AGMO: variants seen among roughly 807,000 people sequenced by gnomAD.
The protein encoded by AGMO is alkylglycerol monooxygenase.
In AGMO, 75 loss-of-function variants were observed where a neutral mutation model predicts 60.2. That is an observed-to-expected ratio of 1.25 (90% confidence interval 1.03 to 1.51). AGMO has a LOEUF of 1.51. AGMO is among the 40% of genes most tolerant of loss of function. The pLI is 0.00. For synonymous variants in AGMO, 261 were observed against 177.1 expected (o/e 1.47, Z -3.76); for missense variants, 763 against 525.5 (o/e 1.45, Z -4.42).
chr7:15,263,797 G>A (rs1783351268), intron 12 of AGMO, among the ~76,000 whole-genome samples: 1 of 152,160 alleles, frequency 6.6e-6, no homozygotes, highest in Non-Finnish European at 1.5e-5. Context: ...ATTATTCTCA[G>A]TGAAGTAACT....
At chr7:15,125,204 T>TAAA in the AGMO span, among the ~76,000 whole-genome samples, 1 of 152,060 alleles carries the variant, frequency 6.6e-6, no homozygotes, top group Admixed American at 6.6e-5. Context: ...TTTGAGAAGA[T>TAAA]ATTTGATAGC....
chr7:15,248,178 C>T (rs1277145728), intron 12 of AGMO, among the ~76,000 whole-genome samples: 1 of 23,214 alleles, frequency 4.3e-5, no homozygotes, highest in Non-Finnish European at 1.3e-4. Context: ...TGATCCAGCA[C>T]CATATATATA....
chr7:15,181,681 T>A, the AGMO span, among the ~76,000 whole-genome samples: 1 of 152,162 alleles, frequency 6.6e-6, no homozygotes, highest in Non-Finnish European at 1.5e-5. Flanking sequence ...ATATTCACTA[T>A]AACGGAAAAA....
At position 15,435,745 on chromosome 7, in the gene AGMO, T is replaced by C. The variant is rs1312116042; in HGVS notation, c.410-4637A>G. Among the ~76,000 whole-genome samples the C allele has an allele frequency of 5.3e-5, 8 of 152,322 alleles. 1 individual carries two copies. In the South Asian group the frequency reaches 1.7e-3, roughly 32 times the overall value. On this transcript the variant is annotated intron_variant, in intron 3 of 12. Transcript: ENST00000342526. ...TTATATTCTTGATGATTTTATTTAG[T>C]TTTCTGGTGTATATAACAAAAAACA...
intron 12 of AGMO, among the ~76,000 whole-genome samples, chr7:15,331,097 T>C (rs1306721442): frequency 6.6e-6 from 1 of 152,168 alleles, no homozygotes; most frequent in Non-Finnish European, 1.5e-5. Context: ...GAGATCTATA[T>C]AGGAGTAAAG....
chr7:15,315,367 C>A, intron 12 of AGMO, among the ~76,000 whole-genome samples: 1 of 98,808 alleles, frequency 1.0e-5, no homozygotes, highest in East Asian at 3.4e-4. Flanking sequence ...GAGACAGAGT[C>A]TCACCCTGTT....
At chr7:15,523,247 G>C (rs750877238) in intron 3 of AGMO, among the ~76,000 whole-genome samples, 3 of 152,186 alleles carry the variant, frequency 2.0e-5, no homozygotes, top group Non-Finnish European at 2.9e-5. Context: ...GTGTAAATTA[G>C]TTCATCCATT....
chr7:15,412,382 G>A (rs1401637689), intron 5 of AGMO, among the ~76,000 whole-genome samples: 5 of 151,944 alleles, frequency 3.3e-5, no homozygotes, highest in Admixed American at 3.3e-4. Flanking sequence ...GGAGTCGTAG[G>A]CCAAATTTAA....
At chr7:15,531,609 C>CTCTATATATTCTA (rs1784364473) in intron 3 of AGMO, among the ~76,000 whole-genome samples, 1 of 113,952 alleles carries the variant, frequency 8.8e-6, no homozygotes, top group African/African-American at 3.5e-5. Flanking sequence ...TATATATATT[C>CTCTATATATTCTA]TATGTATATT....
At chr7:15,532,352 G>C (rs1288944215) in intron 3 of AGMO, among the ~76,000 whole-genome samples, 2 of 152,164 alleles carry the variant, frequency 1.3e-5, no homozygotes, top group Non-Finnish European at 2.9e-5. Context: ...TAACGGCCTT[G>C]GGCCAATGTA....
chr7:15,547,790 A>C (rs1051787579), intron 2 of AGMO, among the ~76,000 whole-genome samples: 3 of 152,054 alleles, frequency 2.0e-5, no homozygotes, highest in African/African-American at 7.3e-5. Flanking sequence ...GCAGCCGGGA[A>C]GCTCCAACTG....
chr7:15,298,321 T>C (rs916263498), intron 12 of AGMO, among the ~76,000 whole-genome samples: 25 of 152,150 alleles, frequency 1.6e-4, no homozygotes, highest in African/African-American at 5.8e-4. Flanking sequence ...TTCATACCAC[T>C]TCAATCATTC....
At chr7:15,449,199 A>C (rs1011831915) in intron 3 of AGMO, among the ~76,000 whole-genome samples, 2 of 152,144 alleles carry the variant, frequency 1.3e-5, no homozygotes, top group Non-Finnish European at 2.9e-5. Flanking sequence ...AACATTATTT[A>C]TAATGAAGTT....
intron 12 of AGMO, among the ~76,000 whole-genome samples, chr7:15,206,804 C>T (rs1781451098): frequency 6.6e-6 from 1 of 151,958 alleles, no homozygotes; most frequent in Non-Finnish European, 1.5e-5. Context: ...AAGATAAATA[C>T]AAAATACACA....
intron 5 of AGMO, among the ~76,000 whole-genome samples, chr7:15,415,067 T>A (rs549417321): frequency 2.0e-5 from 3 of 152,252 alleles, no homozygotes; most frequent in Non-Finnish European, 4.4e-5. Context: ...CTTTCAGAGT[T>A]TGTGATAGTC....
chr7:15,389,439 A>G (rs1366420612), intron 8 of AGMO, among the ~76,000 whole-genome samples: 1 of 152,206 alleles, frequency 6.6e-6, no homozygotes, highest in Non-Finnish European at 1.5e-5. Context: ...ATTTGCTTAT[A>G]TTCTCCTGAG....
At chr7:15,537,647 C>A (rs1275375893) in intron 3 of AGMO, among the ~76,000 whole-genome samples, 1 of 151,968 alleles carries the variant, frequency 6.6e-6, no homozygotes, top group Non-Finnish European at 1.5e-5. Flanking sequence ...TCCTGGCATC[C>A]CTATATTTTA....
intron 12 of AGMO, among the ~76,000 whole-genome samples, chr7:15,202,380 A>C (rs145484684): frequency 4.0e-5 from 6 of 150,406 alleles, no homozygotes; most frequent in Non-Finnish European, 8.9e-5. Flanking sequence ...CTCACAGAAA[A>C]TACCTTGAAC....
At chr7:15,312,375 G>A (rs1780792130) in intron 12 of AGMO, among the ~76,000 whole-genome samples, 1 of 152,082 alleles carries the variant, frequency 6.6e-6, no homozygotes. Context: ...TAAGTTGCCA[G>A]AACAAGGGGA....
Sources: gnomAD v4.1 joint callset for allele counts (sites outside exome capture counted in the v4.1 genomes callset) on GRCh38, gnomAD v4.1.1 for gene constraint, MANE v1.5 for transcripts, NCBI Gene and HGNC (gene_info 2026-07-23, HGNC 2026-07-21) for gene names.